Variants in GPR39 observed in about 807,000 individuals in gnomAD.
GPR39 encodes the protein zinc sensing receptor.
Under a neutral mutation model 18.4 loss-of-function variants are expected in GPR39, and 23 were observed. That is an observed-to-expected ratio of 1.25 (90% confidence interval 0.90 to 1.77). The LOEUF is 1.77. GPR39 is among the 40% of genes most tolerant of loss of function. GPR39 has a pLI of 0.00. For synonymous variants in GPR39, 280 were observed against 257.9 expected, an observed-to-expected ratio of 1.09 and a Z score of -0.82; for missense variants, 647 against 602.4, an observed-to-expected ratio of 1.07 and a Z score of -0.78.
chr2:132,498,278 T>G (rs1051336063), intron 1 of GPR39, among the ~76,000 whole-genome samples: 1 of 152,158 alleles, frequency 6.6e-6, no homozygotes, highest in Non-Finnish European at 1.5e-5. Flanking sequence ...CTTATCATTC[T>G]TATGCCTTTG....
intron 1 of GPR39, among the ~76,000 whole-genome samples, chr2:132,639,303 C>T (rs74547334): frequency 6.6e-6 from 1 of 152,034 alleles, no homozygotes; most frequent in Non-Finnish European, 1.5e-5. Context: ...GTGGAGATGT[C>T]TAACCCTTGC....
intron 1 of GPR39, among the ~76,000 whole-genome samples, chr2:132,601,631 A>C (rs1681044489): frequency 6.6e-6 from 1 of 152,140 alleles, no homozygotes; most frequent in African/African-American, 2.4e-5. Context: ...AGGCAATCAA[A>C]TTGTCCCTCT....
intron 1 of GPR39, among the ~76,000 whole-genome samples, chr2:132,522,740 T>C (rs150664657): frequency 6.6e-6 from 1 of 152,302 alleles, no homozygotes; most frequent in East Asian, 1.9e-4. Context: ...TGCCATGTAT[T>C]TATATGACAT....
At chr2:132,543,412 A>G (rs1317208497) in intron 1 of GPR39, among the ~76,000 whole-genome samples, 1 of 152,142 alleles carries the variant, frequency 6.6e-6, no homozygotes, top group Non-Finnish European at 1.5e-5. Flanking sequence ...TATCTGTGCA[A>G]AACATCTGAT....
rs555021249 is a variant in GPR39, at chr2:132,449,948, C to A, written c.856+32050C>A. On this transcript the variant is annotated intron_variant, in intron 1 of 1. Transcript: ENST00000329321. ...CAATCTCCTACAGGCCCTTCAAAAT[C>A]TTTTGGGCACAAGTGGCTGGGCTGA... 5.3e-5 allele frequency among the ~76,000 whole-genome samples: 8 copies of A among 152,264 alleles called. No homozygotes were observed. In the East Asian group the frequency reaches 1.2e-3, roughly 22 times the overall value.
intron 1 of GPR39, among the ~76,000 whole-genome samples, chr2:132,632,632 A>G (rs978780780): frequency 1.3e-5 from 2 of 152,254 alleles, no homozygotes; most frequent in African/African-American, 4.8e-5. Flanking sequence ...GTGAGTTTGG[A>G]CAGGTCACCT....
intron 1 of GPR39, among the ~76,000 whole-genome samples, chr2:132,557,769 C>T (rs1222863205): frequency 6.6e-6 from 1 of 152,190 alleles, no homozygotes; most frequent in East Asian, 1.9e-4. Context: ...CTTCTCGTGA[C>T]TGGCTTACAA....
chr2:132,521,402 C>T (rs998177887), intron 1 of GPR39, among the ~76,000 whole-genome samples: 1 of 152,152 alleles, frequency 6.6e-6, no homozygotes, highest in South Asian at 2.1e-4. Context: ...TTTGAATTTA[C>T]CTTGTTTACT....
At position 132,489,977 on chromosome 2, in the gene GPR39, G is replaced by T. The variant is rs531359394; in HGVS notation, c.856+72079G>T. 4.4e-4 allele frequency among the ~76,000 whole-genome samples: 67 copies of T among 151,916 alleles called. 3 individuals are homozygous for T. The highest frequency in any genetic ancestry group is 1.6e-3 in the African/African-American group (65 of 41,256). On this transcript the variant is annotated intron_variant, in intron 1 of 1. Coordinates refer to ENST00000329321, the MANE Select transcript of GPR39 (RefSeq NM_001508.3). Reference sequence around the variant, plus strand: ...TGGGAGGCCCCAGAGAGAGTTTATGGTGAGCAGAATCCTCACCAGGTAGTC... The same window carrying T: ...TGGGAGGCCCCAGAGAGAGTTTATGTTGAGCAGAATCCTCACCAGGTAGTC...
chr2:132,593,981 G>A (rs1680892900), intron 1 of GPR39, among the ~76,000 whole-genome samples: 2 of 152,062 alleles, frequency 1.3e-5, no homozygotes, highest in South Asian at 4.2e-4. Flanking sequence ...ATTTTGTCCA[G>A]GTCACTTTGA....
chr2:132,587,019 A>G (rs1412453235), intron 1 of GPR39, among the ~76,000 whole-genome samples: 2 of 152,356 alleles, frequency 1.3e-5, no homozygotes, highest in African/African-American at 2.4e-5. Flanking sequence ...TATATGTTCA[A>G]TCTGGTTTTC....
At chr2:132,496,699 T>C (rs1033915188) in intron 1 of GPR39, among the ~76,000 whole-genome samples, 3 of 152,258 alleles carry the variant, frequency 2.0e-5, no homozygotes, top group African/African-American at 4.8e-5. Context: ...TGCAAATTCA[T>C]TGTGAGTTGT....
intron 1 of GPR39, among the ~76,000 whole-genome samples, chr2:132,616,194 A>G (rs1273111132): frequency 2.0e-5 from 3 of 152,114 alleles, no homozygotes; most frequent in Non-Finnish European, 4.4e-5. Flanking sequence ...ATTTATTGTC[A>G]TCTGACAAAC....
chr2:132,574,343 AT>A (rs1680494959), intron 1 of GPR39, among the ~76,000 whole-genome samples: 2 of 152,210 alleles, frequency 1.3e-5, no homozygotes, highest in Non-Finnish European at 2.9e-5. Flanking sequence ...ATTACTTTGC[AT>A]GTTTATTAGT....
rs541724368 is a variant in GPR39 at position 132,565,170 on chromosome 2, C to T, written c.857-79931C>T. Among the ~76,000 whole-genome samples the T allele has an allele frequency of 2.2e-4, 33 of 152,028 alleles. No homozygotes were observed. In the Middle Eastern group the frequency reaches 0.02, roughly 94 times the overall value. On this transcript the variant is annotated intron_variant, in intron 1 of 1. Transcript: ENST00000329321. ...ACCCACAGAGATTCTGATTTAGTGG[C>T]GTGACGATTAGCCGGGCATGGGGAT... is the stretch of plus-strand genomic sequence containing the variant.
intron 1 of GPR39, among the ~76,000 whole-genome samples, chr2:132,554,055 G>C (rs1680102675): frequency 1.3e-5 from 2 of 152,180 alleles, no homozygotes; most frequent in African/African-American, 4.8e-5. Context: ...TCATGCTGCA[G>C]AAGTATAGCC....
chr2:132,635,911 T>C (rs1681746590), intron 1 of GPR39, among the ~76,000 whole-genome samples: 1 of 152,166 alleles, frequency 6.6e-6, no homozygotes, highest in Admixed American at 6.5e-5. Flanking sequence ...AGAGAGATGG[T>C]GGCTATCTGC....
intron 1 of GPR39, among the ~76,000 whole-genome samples, chr2:132,579,863 C>T (rs913015651): frequency 1.5e-4 from 23 of 152,104 alleles, no homozygotes; most frequent in African/African-American, 5.6e-4. Flanking sequence ...ATGTTTACCT[C>T]AGGGTTCCAA....
At chr2:132,478,131 A>G (rs1455241136) in intron 1 of GPR39, among the ~76,000 whole-genome samples, 1 of 152,110 alleles carries the variant, frequency 6.6e-6, no homozygotes, top group African/African-American at 2.4e-5. Flanking sequence ...CATTACAATG[A>G]CTCTTTAAAA....
Sources: allele counts gnomAD v4.1 joint callset (sites outside exome capture counted in the v4.1 genomes callset), GRCh38; gene constraint gnomAD v4.1.1; transcripts MANE v1.5; gene names NCBI Gene and HGNC (gene_info 2026-07-23, HGNC 2026-07-21).